ZNF383: variants seen among roughly 807,000 people sequenced by gnomAD.
The protein encoded by ZNF383 is zinc finger protein 383.
ZNF383 carries 32 observed loss-of-function variants against 44.2 expected under a neutral mutation model. The ratio of observed to expected loss-of-function variants is 0.72; its 90% confidence interval spans 0.55 to 0.97. The LOEUF (loss-of-function observed/expected upper bound fraction) is 0.97, where lower values mean the gene tolerates loss of function less well. ZNF383 is among the 50% of genes least tolerant of loss of function. ZNF383 has a pLI of 0.00. For synonymous variants in ZNF383, 155 were observed against 186.2 expected (o/e 0.83, Z 1.36); for missense variants, 487 against 562.5 (o/e 0.87, Z 1.36).
At chr19:37,237,079 T>C (rs1973851283) in intron 5 of ZNF383, among the ~76,000 whole-genome samples, 1 of 152,126 alleles carries the variant, frequency 6.6e-6, no homozygotes, top group Non-Finnish European at 1.5e-5. Context: ...CAGACTGTCT[T>C]CAATGTTTCC....
intron 2 of ZNF383, among the ~76,000 whole-genome samples, chr19:37,225,499 T>C (rs1482088204): frequency 1.3e-5 from 2 of 152,180 alleles, no homozygotes; most frequent in Non-Finnish European, 1.5e-5. Context: ...TAAGCTACAA[T>C]GTCCCATTTC....
At chr19:37,241,756 T>G (rs1277178103) in intron 5 of ZNF383, among the ~76,000 whole-genome samples, 1 of 152,000 alleles carries the variant, frequency 6.6e-6, no homozygotes, top group Non-Finnish European at 1.5e-5. Context: ...AAATTCCAAG[T>G]GTTTTTGAAG....
At chr19:37,227,110 CTTTTT>C (rs35250551) in intron 2 of ZNF383, among the ~76,000 whole-genome samples, 1 of 92,022 alleles carries the variant, frequency 1.1e-5, no homozygotes, top group Non-Finnish European at 2.0e-5. Context: ...CCCAGCCAGG[CTTTTT>C]TTTTTTTTTT....
In ZNF383 at chr19:37,243,477, G is replaced by A. The variant is rs765258633; in HGVS notation, c.1241G>A (p.Arg414Lys). 5.0e-6 allele frequency: 8 copies of A among 1,613,998 alleles called. No homozygotes were observed. Among genetic ancestry groups the A allele is most frequent in the Non-Finnish European group, 6.8e-6 (8 of 1,179,908 alleles). ...TQNSQLFQHQ[R>K]IHTDEKPYEC... Reference sequence around the variant, plus strand: ...AACTCACAACTTTTCCAGCATCAGAGAATTCATACAGATGAAAAACCATAT... The same window carrying A: ...AACTCACAACTTTTCCAGCATCAGAAAATTCATACAGATGAAAAACCATAT... The change falls in exon 6 of 6, where the codon AGA becomes AAA. Residue 414 changes from arginine to lysine, a missense_variant. Coordinates refer to ENST00000684119, the MANE Select transcript of ZNF383 (RefSeq NM_001387601.1).
intron 1 of ZNF383, among the ~76,000 whole-genome samples, chr19:37,220,611 T>C (rs1354399163): frequency 6.7e-6 from 1 of 149,248 alleles, no homozygotes; most frequent in African/African-American, 2.5e-5. Flanking sequence ...TACAGAAAAA[T>C]AGTTAAAATA....
At chr19:37,234,853 C>G (rs1973702623) in intron 3 of ZNF383, among the ~76,000 whole-genome samples, 3 of 152,274 alleles carry the variant, frequency 2.0e-5, no homozygotes, top group South Asian at 4.1e-4. Flanking sequence ...TGCTTTCTTG[C>G]TTTTTGGTAT....
At chr19:37,232,248 C>T (rs903774844) in intron 3 of ZNF383, among the ~76,000 whole-genome samples, 4 of 151,696 alleles carry the variant, frequency 2.6e-5, no homozygotes, top group South Asian at 2.1e-4. Flanking sequence ...CTAATTTTTT[C>T]GGTTTTAGTA....
At chr19:37,228,396 A>G (rs1973289671) in intron 2 of ZNF383, among the ~76,000 whole-genome samples, 1 of 151,324 alleles carries the variant, frequency 6.6e-6, no homozygotes, top group African/African-American at 2.4e-5. Context: ...AATAAAGAGT[A>G]ATGCTACAAA....
rs1373861520 is a variant in ZNF383, at chr19:37,245,433, T to G, written c.*1769T>G. On this transcript the variant is annotated 3_prime_UTR_variant, in exon 6 of 6. Transcript: ENST00000684119. The stretch of plus-strand genomic sequence containing the variant: ...GCCATACTAGAAAGTAACACTGTTA[T>G]GAAAGTGTTATTTATCAATCCAGAT... 1.3e-5 allele frequency: 2 copies of G among 152,158 alleles called. No individual in the cohort carries two copies. The highest frequency in any genetic ancestry group is 2.9e-5 in the Non-Finnish European group (2 of 68,042). The allele number at this position is 152,158 out of a possible 1,614,324, so 9.4% of individuals were successfully genotyped here.
At chr19:37,228,042 T>C (rs1213178641) in intron 2 of ZNF383, among the ~76,000 whole-genome samples, 3 of 152,162 alleles carry the variant, frequency 2.0e-5, no homozygotes, top group African/African-American at 4.8e-5. Flanking sequence ...GTCAGGCGTT[T>C]TTACAAGAGA....
At chr19:37,236,148 C>A (rs778896423) in intron 5 of ZNF383, 74 bp downstream of exon 5, 14 of 1,121,078 alleles carry the variant, frequency 1.2e-5, no homozygotes, top group Middle Eastern at 2.1e-4. Context: ...GAAACAGCAC[C>A]TTTGAGATGT....
In ZNF383 at chr19:37,235,624, G is replaced by A. The variant is rs1248809166; in HGVS notation, c.85G>A (p.Asp29Asn). 1 of 1,613,866 alleles carries A rather than the reference G, an allele frequency of 6.2e-7. No individual in the cohort carries two copies. Among genetic ancestry groups the A allele is most frequent in the South Asian group, 1.1e-5 (1 of 91,016 alleles). ...EWDCLDPVQR[D>N]LYRDVMLENY... ...GGACTGCCTGGACCCTGTTCAGAGG[G>A]ACTTATACAGAGATGTGATGTTGGA... The change falls in exon 4 of 6, where the codon GAC becomes AAC. Residue 29 changes from aspartate (D) to asparagine (N), a missense_variant. Transcript: ENST00000684119.
At chr19:37,240,435 A>G (rs1974030310) in intron 5 of ZNF383, among the ~76,000 whole-genome samples, 1 of 152,232 alleles carries the variant, frequency 6.6e-6, no homozygotes, top group Admixed American at 6.5e-5. Context: ...ATGGTAGCTT[A>G]GAGATTAAAT....
intron 2 of ZNF383, among the ~76,000 whole-genome samples, chr19:37,229,826 CAG>C (rs1973394968): frequency 7.9e-6 from 1 of 127,344 alleles, no homozygotes; most frequent in East Asian, 2.3e-4. Flanking sequence ...TTCAATAAAA[CAG>C]AGCTAGAAGA....
rs150915526 is a variant in ZNF383, at chr19:37,235,165, C to T, written c.10-384C>T. ...GTGCGTGCCTGTAATCCCCGCTACT[C>T]GGGAGGCTGAGGCAGGAGAATTGCT... On this transcript the variant is annotated intron_variant, in intron 3 of 5. Coordinates refer to ENST00000684119, the MANE Select transcript of ZNF383 (RefSeq NM_001387601.1). Among the ~76,000 whole-genome samples, 611 of 151,618 alleles carry T rather than the reference C, an allele frequency of 4.0e-3. 5 individuals carry two copies. The highest frequency in any genetic ancestry group is 0.014 in the African/African-American group (584 of 41,350).
At chr19:37,225,695 A>G (rs1234254) in intron 2 of ZNF383, among the ~76,000 whole-genome samples, 6,373 of 152,150 alleles carry the variant, frequency 0.042, 337 homozygotes, top group African/African-American at 0.12. Flanking sequence ...GACACACACA[A>G]ACCCAAGTAG....
rs1466198788 is a variant in ZNF383 at position 37,235,661 on chromosome 19, A to G, written c.122A>G (p.Asn41Ser). 6.2e-7 allele frequency: 1 copy of G among 1,610,778 alleles called. No homozygotes were observed. Among genetic ancestry groups the G allele is most frequent in the South Asian group, 1.1e-5 (1 of 90,446 alleles). The change falls in exon 4 of 6, where the codon AAT becomes AGT. Residue 41 changes from asparagine to serine, a missense_variant. Transcript: ENST00000684119. ...GATGTGATGTTGGAGAACTACGGCA[A>G]TCTGGTTTCAATGGGTAAGGGCATC... ...YRDVMLENYG[N>S]LVSMGLYTPK...
At chr19:37,242,055 TATACTATATAG>T (rs1712901932) in intron 5 of ZNF383, among the ~76,000 whole-genome samples, 14 of 66,774 alleles carry the variant, frequency 2.1e-4, no homozygotes, top group South Asian at 5.1e-4. Flanking sequence ...AGATACTATA[TATACTATATAG>T]ATACTATATA....
chr19:37,229,458 CTT>C (rs569416608), intron 2 of ZNF383, among the ~76,000 whole-genome samples: 15 of 123,932 alleles, frequency 1.2e-4, no homozygotes, highest in Non-Finnish European at 1.4e-4. Flanking sequence ...CTGCACCCAG[CTT>C]TTTTTTTTTT....
Sources: gnomAD v4.1 joint callset for allele counts (sites outside exome capture counted in the v4.1 genomes callset) on GRCh38, gnomAD v4.1.1 for gene constraint, MANE v1.5 for transcripts, NCBI Gene and HGNC (gene_info 2026-07-23, HGNC 2026-07-21) for gene names.